Variants in DYNAP observed in about 807,000 individuals in gnomAD.
DYNAP encodes the protein dynactin-associated protein.
Under a neutral mutation model 8.5 loss-of-function variants are expected in DYNAP, and 7 were observed. That is an observed-to-expected ratio of 0.82 (90% CI 0.47 to 1.54). DYNAP has a LOEUF of 1.54. DYNAP is among the 40% of genes most tolerant of loss of function. The pLI is 0.01. For missense variants in DYNAP, 256 were observed against 224.3 expected, an observed-to-expected ratio of 1.14 and a Z score of -0.90; for synonymous variants, 77 against 77.9, an observed-to-expected ratio of 0.99 and a Z score of 0.06.
chr18:54,579,934 AT>A, the DYNAP span, among the ~76,000 whole-genome samples: 2 of 152,216 alleles, frequency 1.3e-5, no homozygotes, highest in East Asian at 3.8e-4. Flanking sequence ...CACTCTAAAA[AT>A]TTTACTTCCA....
chr18:54,590,573 A>T (rs116619038), upstream of DYNAP, among the ~76,000 whole-genome samples: 727 of 152,306 alleles, frequency 4.8e-3, 6 homozygotes, highest in African/African-American at 0.015. Flanking sequence ...CACTACAAAC[A>T]TACCTGGCAC....
Position 54,597,784 on chromosome 18 carries a change from A to T in DYNAP, c.223-29A>T, listed in dbSNP as rs1230224172. On this transcript the variant is annotated intron_variant, in intron 2 of 2. Transcript: ENST00000648945. ...TAAATTACAAGCATTTTTGTTTTTCATTGCTGATATTTTTATATACATGCT... is the reference window on the plus strand; with the variant it reads ...TAAATTACAAGCATTTTTGTTTTTCTTTGCTGATATTTTTATATACATGCT... 13 of 1,561,636 alleles carry T rather than the reference A, an allele frequency of 8.3e-6. No individual in the cohort carries two copies. In the Admixed American group the frequency reaches 1.9e-4, roughly 23 times the overall value.
chr18:54,579,867 T>C, the DYNAP span, among the ~76,000 whole-genome samples: 1 of 152,212 alleles, frequency 6.6e-6, no homozygotes, highest in Non-Finnish European at 1.5e-5. Flanking sequence ...TGACCTTTTC[T>C]TGGGTTAGTA....
chr18:54,597,647 G>A (rs921080968), intron 2 of DYNAP, among the ~76,000 whole-genome samples, 166 bp from the exon 3 acceptor site: 11 of 151,402 alleles, frequency 7.3e-5, no homozygotes, highest in Non-Finnish European at 1.5e-5. Flanking sequence ...AGGGACAGCA[G>A]ACAATTATTT....
upstream of DYNAP, among the ~76,000 whole-genome samples, chr18:54,588,885 A>G (rs1910970351): frequency 6.6e-6 from 1 of 152,072 alleles, no homozygotes; most frequent in Non-Finnish European, 1.5e-5. Context: ...TTGGAAATGT[A>G]TTGTTCAGTT....
At chr18:54,597,412 C>T (rs1461980818) in intron 2 of DYNAP, among the ~76,000 whole-genome samples, 1 of 151,978 alleles carries the variant, frequency 6.6e-6, no homozygotes, top group African/African-American at 2.4e-5. Context: ...ATTGTAGGTT[C>T]ATTAATTGTA....
At chr18:54,587,031 G>C (rs958691436), upstream of DYNAP, among the ~76,000 whole-genome samples, 2 of 152,178 alleles carry the variant, frequency 1.3e-5, no homozygotes, top group African/African-American at 4.8e-5. Context: ...GGTACAGAGA[G>C]GAAAAATATG....
the DYNAP span, among the ~76,000 whole-genome samples, chr18:54,579,942 TC>T: frequency 1.3e-5 from 2 of 152,346 alleles, no homozygotes; most frequent in South Asian, 4.1e-4. Context: ...AAATTTTACT[TC>T]CATCTGGATA....
Position 54,595,027 on chromosome 18 carries a change from A to G in DYNAP, c.146A>G (p.Asn49Ser), listed in dbSNP as rs377478741. 5 of 1,612,838 alleles carry G rather than the reference A, an allele frequency of 3.1e-6. No homozygotes were observed. The highest frequency in any genetic ancestry group is 1.7e-4 in the Middle Eastern group (1 of 6,052). Residue 49 changes from asparagine to serine, a missense_variant, in exon 2 of 3, where the codon AAC becomes AGC. Transcript: ENST00000648945. ...SNDITSDVSP[N>S]LTGVCVNPGI... The stretch of plus-strand genomic sequence containing the variant: ...GATATAACCAGTGATGTCTCTCCCA[A>G]CTTAACTGGGGTCTGCGTGAACCCA...
At chr18:54,586,308 G>A (rs755776760), upstream of DYNAP, among the ~76,000 whole-genome samples, 22 of 152,088 alleles carry the variant, frequency 1.4e-4, no homozygotes, top group Non-Finnish European at 1.0e-4. Context: ...GCTGATTGCC[G>A]ATCCTCATAC....
chr18:54,595,540 C>A (rs1383125767), intron 2 of DYNAP, among the ~76,000 whole-genome samples: 1 of 152,096 alleles, frequency 6.6e-6, no homozygotes. Flanking sequence ...CTCTGTGCAG[C>A]CTCCGAACCT....
chr18:54,589,217 C>T (rs933386080), upstream of DYNAP, among the ~76,000 whole-genome samples: 5 of 152,114 alleles, frequency 3.3e-5, no homozygotes, highest in South Asian at 2.1e-4. Context: ...CTCCCCTTGC[C>T]GCCTTAGAGT....
At chr18:54,587,866 G>A (rs1275919081), upstream of DYNAP, 1 of 400,630 alleles carries the variant, frequency 2.5e-6, no homozygotes, top group Non-Finnish European at 4.4e-6. Context: ...CCAACTTCTA[G>A]GTAAGTCATG....
intron 1 of DYNAP, among the ~76,000 whole-genome samples, chr18:54,592,302 A>C (rs1453281512): frequency 6.6e-6 from 1 of 152,120 alleles, no homozygotes; most frequent in Non-Finnish European, 1.5e-5. Flanking sequence ...TTGGTCAGGT[A>C]TGTATCATCT....
chr18:54,579,539 T>C, the DYNAP span, among the ~76,000 whole-genome samples: 2 of 152,206 alleles, frequency 1.3e-5, no homozygotes, highest in Non-Finnish European at 2.9e-5. Context: ...CAAATGTGGA[T>C]ATGTAGTTTG....
upstream of DYNAP, chr18:54,591,208 G>T (rs758398341): frequency 2.5e-5 from 41 of 1,610,094 alleles, 1 homozygote; most frequent in East Asian, 4.7e-4. Context: ...TTGTTTCATG[G>T]TTGCAGATAT....
At chr18:54,596,472 A>C (rs1056087256) in intron 2 of DYNAP, among the ~76,000 whole-genome samples, 1 of 152,130 alleles carries the variant, frequency 6.6e-6, no homozygotes, top group African/African-American at 2.4e-5. Context: ...TTAAATCAGA[A>C]ACTCTGGGGG....
chr18:54,591,484 A>T (rs7241065), intron 1 of DYNAP, 145 bp downstream of exon 1: 3 of 880,342 alleles, frequency 3.4e-6, no homozygotes, highest in Non-Finnish European at 4.8e-6. Context: ...CCCTGTATCA[A>T]TTTTTGTGCT....
At chr18:54,594,886 C>A in intron 1 of DYNAP, 53 bp from the exon 2 acceptor site, 2 of 1,546,638 alleles carry the variant, frequency 1.3e-6, no homozygotes, top group Admixed American at 2.0e-5. Flanking sequence ...ATTTTAGCAA[C>A]TCAACACCAT....
Sources: allele counts gnomAD v4.1 joint callset (sites outside exome capture counted in the v4.1 genomes callset), GRCh38; gene constraint gnomAD v4.1.1; transcripts MANE v1.5; gene names NCBI Gene and HGNC (gene_info 2026-07-23, HGNC 2026-07-21).